Variants in DIS3L2 observed in about 807,000 individuals in gnomAD.
The protein encoded by DIS3L2 is DIS3-like exonuclease 2.
A neutral mutation model predicts 97.5 loss-of-function variants in DIS3L2; 34 were observed. The observed-to-expected ratio is 0.35, with a 90% CI of 0.27 to 0.46. The LOEUF (loss-of-function observed/expected upper bound fraction) is 0.46, where lower values mean the gene tolerates loss of function less well. DIS3L2 is among the 20% of genes least tolerant of loss of function. The pLI, the probability that DIS3L2 is intolerant of heterozygous loss-of-function variation, is 1.00. For missense variants in DIS3L2, 1,038 were observed against 1,146.0 expected, an observed-to-expected ratio of 0.91 and a Z score of 1.36; for synonymous variants, 435 against 445.2, an observed-to-expected ratio of 0.98 and a Z score of 0.29.
intron 14 of DIS3L2, among the ~76,000 whole-genome samples, chr2:232,305,752 C>T (rs928338192): frequency 6.6e-6 from 1 of 151,992 alleles, no homozygotes; most frequent in South Asian, 2.1e-4. Flanking sequence ...GTCAGGAGTT[C>T]GAGACCAGCC....
chr2:232,274,843 T>C (rs1280303403), intron 13 of DIS3L2, among the ~76,000 whole-genome samples: 1 of 152,252 alleles, frequency 6.6e-6, no homozygotes, highest in Non-Finnish European at 1.5e-5. Context: ...AAAGACGACA[T>C]AATTTCACAA....
At chr2:232,048,197 T>G (rs147128283) in intron 5 of DIS3L2, among the ~76,000 whole-genome samples, 8 of 152,354 alleles carry the variant, frequency 5.3e-5, no homozygotes, top group African/African-American at 1.9e-4. Flanking sequence ...ATTAGTCTTA[T>G]GAATGTATAC....
At chr2:232,112,455 A>G (rs1253212535) in intron 6 of DIS3L2, among the ~76,000 whole-genome samples, 1 of 152,200 alleles carries the variant, frequency 6.6e-6, no homozygotes, top group Non-Finnish European at 1.5e-5. Flanking sequence ...AGTCCTTAAG[A>G]GGAGAGACCA....
intron 12 of DIS3L2, among the ~76,000 whole-genome samples, chr2:232,256,152 C>G (rs992197155): frequency 6.6e-5 from 10 of 152,216 alleles, no homozygotes; most frequent in Admixed American, 2.0e-4. Flanking sequence ...ATAAAACGCC[C>G]CCTTACAATG....
At chr2:232,336,374 A>AG in intron 20 of DIS3L2, 95 bp from the exon 21 acceptor site, 1 of 1,549,238 alleles carries the variant, frequency 6.5e-7, no homozygotes, top group Non-Finnish European at 8.7e-7. Context: ...AGGCCGAAGG[A>AG]GGGGCCAGGG....
At chr2:232,237,417 C>G (rs1005218748) in intron 10 of DIS3L2, among the ~76,000 whole-genome samples, 1 of 152,066 alleles carries the variant, frequency 6.6e-6, no homozygotes, top group Non-Finnish European at 1.5e-5. Context: ...AAAGACAGAC[C>G]GACTGTTGAT....
chr2:232,130,592 T>C, intron 6 of DIS3L2, 27 bp from the exon 7 acceptor site: 2 of 1,600,394 alleles, frequency 1.2e-6, no homozygotes, highest in Non-Finnish European at 1.7e-6. Flanking sequence ...TGATGACTCC[T>C]CTTCTCTCTT....
chr2:231,984,384 CTTTTT>C (rs1297535054), intron 1 of DIS3L2, among the ~76,000 whole-genome samples: 47 of 126,024 alleles, frequency 3.7e-4, no homozygotes, highest in Non-Finnish European at 1.0e-4. Context: ...ACTGCAACTT[CTTTTT>C]TTTTTTTTTT....
At chr2:232,133,778 G>A (rs1264458954) in intron 7 of DIS3L2, among the ~76,000 whole-genome samples, 1 of 151,852 alleles carries the variant, frequency 6.6e-6, no homozygotes, top group East Asian at 1.9e-4. Context: ...TTGAGGTCAG[G>A]AGTTCAAGAC....
intron 4 of DIS3L2, among the ~76,000 whole-genome samples, chr2:232,028,135 T>C (rs530798619): frequency 6.6e-6 from 1 of 152,322 alleles, no homozygotes; most frequent in South Asian, 2.1e-4. Context: ...GTTGTCCTCC[T>C]TCCCCCAGTC....
rs563856602 is a variant in DIS3L2 at position 232,310,556 on chromosome 2, A to G, written c.1739+10437A>G. 2.0e-4 allele frequency among the ~76,000 whole-genome samples: 30 copies of G among 152,314 alleles called. 1 individual carries two copies. The South Asian group carries it at 5.8e-3, about 29-fold the overall frequency. On this transcript the variant is annotated intron_variant, in intron 14 of 20. Transcript: ENST00000325385. ...CTCACTCCGTGCAGCAGCAATCAGG[A>G]TATTTTGTCTGCCAACAAGCAGTGC... is the stretch of plus-strand genomic sequence containing the variant.
At chr2:231,981,598 TTATA>T (rs10669283) in intron 1 of DIS3L2, among the ~76,000 whole-genome samples, 9,745 of 83,960 alleles carry the variant, frequency 0.12, 540 homozygotes, top group Admixed American at 0.18. Context: ...GTTAAGTATT[TTATA>T]TATATATATA....
rs75351517 is a variant in DIS3L2 at position 232,290,018 on chromosome 2, G to A, written c.1660-10022G>A. Among the ~76,000 whole-genome samples, 1,031 of 152,368 alleles carry A rather than the reference G, an allele frequency of 6.8e-3. 11 individuals are homozygous for A. Among genetic ancestry groups the A allele is most frequent in the African/African-American group, 0.023 (974 of 41,584 alleles). ...GGGTGATATGCAGTTCCTGCAGTCA[G>A]CACTGGCACTTTCCTGTGGAAGCAG... On this transcript the variant is annotated intron_variant, in intron 13 of 20. Transcript: ENST00000325385.
At chr2:232,137,221 T>G (rs1698384759) in intron 8 of DIS3L2, among the ~76,000 whole-genome samples, 1 of 152,224 alleles carries the variant, frequency 6.6e-6, no homozygotes, top group South Asian at 2.1e-4. Context: ...GAAAAGGGTA[T>G]CATGTTTTTG....
chr2:232,139,672 A>G (rs1698458006), intron 8 of DIS3L2, among the ~76,000 whole-genome samples: 2 of 152,162 alleles, frequency 1.3e-5, no homozygotes, highest in African/African-American at 4.8e-5. Context: ...GGGAATTTAG[A>G]GGAGGTAGGT....
intron 13 of DIS3L2, among the ~76,000 whole-genome samples, chr2:232,267,711 A>C (rs1559183567): frequency 6.6e-6 from 1 of 152,150 alleles, no homozygotes; most frequent in Non-Finnish European, 1.5e-5. Context: ...TTGCTCAGTG[A>C]TTCAGGCCCA....
At chr2:232,298,691 A>G (rs1694781746) in intron 13 of DIS3L2, among the ~76,000 whole-genome samples, 1 of 152,250 alleles carries the variant, frequency 6.6e-6, no homozygotes. Context: ...AGTTAAAAAA[A>G]AAATTATAAT....
At chr2:232,047,933 T>C (rs1234186071) in intron 5 of DIS3L2, among the ~76,000 whole-genome samples, 1 of 152,254 alleles carries the variant, frequency 6.6e-6, no homozygotes, top group Non-Finnish European at 1.5e-5. Flanking sequence ...TAACATTCCA[T>C]GTGTGGACAT....
At chr2:232,165,594 C>T (rs779264657) in intron 9 of DIS3L2, among the ~76,000 whole-genome samples, 25 of 152,188 alleles carry the variant, frequency 1.6e-4, no homozygotes, top group South Asian at 8.3e-4. Flanking sequence ...GTGCAGTCAT[C>T]GCTCACTGCA....
Sources: allele counts gnomAD v4.1 joint callset (sites outside exome capture counted in the v4.1 genomes callset), GRCh38; gene constraint gnomAD v4.1.1; transcripts MANE v1.5; gene names NCBI Gene and HGNC (gene_info 2026-07-23, HGNC 2026-07-21).